Variants in ACER3 observed in about 807,000 individuals in gnomAD.
ACER3 encodes alkaline ceramidase 3.
A neutral mutation model predicts 48.9 loss-of-function variants in ACER3; 16 were observed. The ratio of observed to expected loss-of-function variants is 0.33; its 90% CI spans 0.22 to 0.50. ACER3 has a LOEUF of 0.50. ACER3 is among the 20% of genes least tolerant of loss of function. The pLI, the probability that ACER3 is intolerant of heterozygous loss-of-function variation, is 0.98. For synonymous variants in ACER3, 109 were observed against 107.8 expected, an observed-to-expected ratio of 1.01 and a Z score of -0.07; for missense variants, 227 against 326.0, an observed-to-expected ratio of 0.70 and a Z score of 2.34.
At chr11:76,868,011 C>G (rs897565421) in intron 1 of ACER3, 1 of 915,474 alleles carries the variant, frequency 1.1e-6, no homozygotes, top group Non-Finnish European at 1.5e-6. Context: ...TGCTGCAGCA[C>G]AAGACAAAAG....
intron 1 of ACER3, 59 bp from the exon 2 acceptor site, chr11:76,926,498 A>G: frequency 1.0e-6 from 1 of 988,532 alleles, no homozygotes; most frequent in East Asian, 2.6e-5. Flanking sequence ...ACGTGAATGT[A>G]TCTTTATTTA....
intron 2 of ACER3, among the ~76,000 whole-genome samples, chr11:76,941,609 T>C (rs184003934): frequency 6.6e-5 from 10 of 152,286 alleles, no homozygotes; most frequent in African/African-American, 2.4e-4. Flanking sequence ...TCTTTTCTCT[T>C]TCACTTAGGA....
rs532154223 is a variant in ACER3, at chr11:77,020,162, C to G, written c.751-112C>G. 1.2e-5 allele frequency: 13 copies of G among 1,090,124 alleles called. No individual in the cohort carries two copies. In the Admixed American group the frequency reaches 2.5e-4, roughly 21 times the overall value. The allele number at this position is 1,090,124 out of a possible 1,614,324, so 67.5% of individuals were successfully genotyped here. A position where few individuals can be genotyped will look rare whatever the true frequency, so the allele number is the denominator to read the frequency against. Reference sequence around the variant, plus strand: ...CAGGCTGCTAATACCAGGACAATCACTAGCAAACCTACGTATAGTCATAGC... The same window carrying G: ...CAGGCTGCTAATACCAGGACAATCAGTAGCAAACCTACGTATAGTCATAGC... On this transcript the variant is annotated intron_variant, in intron 10 of 10. Transcript: ENST00000532485.
intron 1 of ACER3, among the ~76,000 whole-genome samples, chr11:76,913,613 T>C (rs1376412529): frequency 1.3e-5 from 2 of 152,086 alleles, no homozygotes; most frequent in Non-Finnish European, 2.9e-5. Context: ...ATCGTGAAAA[T>C]GGCCATACTG....
intron 1 of ACER3, among the ~76,000 whole-genome samples, chr11:76,868,503 T>C (rs1945161847): frequency 1.3e-5 from 2 of 151,894 alleles, no homozygotes; most frequent in African/African-American, 4.8e-5. Context: ...GTTGGGGCAC[T>C]GTAGGCCTCA....
At chr11:76,991,448 A>G (rs1591040221) in intron 6 of ACER3, among the ~76,000 whole-genome samples, 1 of 152,232 alleles carries the variant, frequency 6.6e-6, no homozygotes. Context: ...AATATATTCT[A>G]TAACCACATT....
At chr11:76,919,668 A>T (rs918609510) in intron 1 of ACER3, among the ~76,000 whole-genome samples, 1 of 152,144 alleles carries the variant, frequency 6.6e-6, no homozygotes, top group African/African-American at 2.4e-5. Flanking sequence ...AATTTTCTGG[A>T]AGCAGTTAAC....
At chr11:76,899,533 C>G (rs1330412460) in intron 1 of ACER3, among the ~76,000 whole-genome samples, 1 of 152,112 alleles carries the variant, frequency 6.6e-6, no homozygotes, top group Non-Finnish European at 1.5e-5. Flanking sequence ...ATTCAAGCCC[C>G]CTTTATAATT....
intron 1 of ACER3, among the ~76,000 whole-genome samples, chr11:76,890,764 T>G (rs559341580): frequency 2.6e-5 from 4 of 152,294 alleles, no homozygotes; most frequent in Admixed American, 1.3e-4. Flanking sequence ...GTATGTTATA[T>G]GCTAACTAAG....
At chr11:76,918,581 A>G (rs1946600834) in intron 1 of ACER3, among the ~76,000 whole-genome samples, 1 of 151,994 alleles carries the variant, frequency 6.6e-6, no homozygotes, top group African/African-American at 2.4e-5. Context: ...TCAAGAGTAC[A>G]TGTGCAAGTT....
chr11:76,930,801 C>A (rs1218305139), intron 2 of ACER3, among the ~76,000 whole-genome samples: 7 of 152,028 alleles, frequency 4.6e-5, no homozygotes, highest in Non-Finnish European at 1.0e-4. Context: ...ATCCTAAGTT[C>A]TAGTTTGATT....
chr11:76,923,235 T>G (rs1184608806), intron 1 of ACER3, among the ~76,000 whole-genome samples: 1 of 152,034 alleles, frequency 6.6e-6, no homozygotes, highest in African/African-American at 2.4e-5. Flanking sequence ...AATTAAAATT[T>G]GACATTGGCT....
At chr11:76,930,103 CT>C (rs1449943351) in intron 2 of ACER3, among the ~76,000 whole-genome samples, 1 of 151,958 alleles carries the variant, frequency 6.6e-6, no homozygotes, top group East Asian at 1.9e-4. Flanking sequence ...TGGTCCTGGA[CT>C]TTTTTTGGTT....
intron 6 of ACER3, among the ~76,000 whole-genome samples, chr11:76,992,126 C>T (rs550069825): frequency 4.4e-5 from 6 of 136,374 alleles, no homozygotes; most frequent in Non-Finnish European, 7.4e-5. Context: ...GCAGGAGGAT[C>T]CCTTGAGCCC....
At chr11:76,970,694 AACTT>A (rs1948275166) in intron 3 of ACER3, among the ~76,000 whole-genome samples, 2 of 152,106 alleles carry the variant, frequency 1.3e-5, no homozygotes, top group Non-Finnish European at 2.9e-5. Flanking sequence ...TTTAAAGTAT[AACTT>A]ACTTACCATA....
At chr11:76,886,650 C>T (rs1945679205) in intron 1 of ACER3, among the ~76,000 whole-genome samples, 1 of 152,108 alleles carries the variant, frequency 6.6e-6, no homozygotes, top group Non-Finnish European at 1.5e-5. Flanking sequence ...TCATACAAAG[C>T]ATGCCTAGGT....
intron 1 of ACER3, among the ~76,000 whole-genome samples, chr11:76,904,191 T>C (rs971683149): frequency 1.3e-5 from 2 of 152,098 alleles, no homozygotes; most frequent in East Asian, 3.9e-4. Context: ...TTCACCATGT[T>C]GGCCAGGCTA....
chr11:76,967,697 G>A lies in ACER3; in HGVS notation c.268-8592G>A, dbSNP rs1343938994. On this transcript the variant is annotated intron_variant, in intron 3 of 10. Coordinates refer to ENST00000532485, the MANE Select transcript of ACER3 (RefSeq NM_018367.7). ...CAGAACCAAAGACAAAAACCACATG[G>A]TTATCACAATAGATGCAGCAAAGGC... Among the ~76,000 whole-genome samples the A allele has an allele frequency of 1.2e-4, 18 of 152,284 alleles. No individual in the cohort carries two copies. The East Asian group carries it at 3.5e-3, about 29-fold the overall frequency.
intron 1 of ACER3, among the ~76,000 whole-genome samples, chr11:76,879,613 C>T (rs1009063248): frequency 6.6e-6 from 1 of 151,960 alleles, no homozygotes; most frequent in African/African-American, 2.4e-5. Flanking sequence ...AAGTTCTTTA[C>T]TTGTTGAGTT....
Sources: gnomAD v4.1 joint callset for allele counts (sites outside exome capture counted in the v4.1 genomes callset) on GRCh38, gnomAD v4.1.1 for gene constraint, MANE v1.5 for transcripts, NCBI Gene and HGNC (gene_info 2026-07-23, HGNC 2026-07-21) for gene names.